The following IGSF5 variants were observed in gnomAD, a reference collection of about 807,000 sequenced individuals.
IGSF5 encodes immunoglobulin superfamily 5 like.
IGSF5 carries 41 observed loss-of-function variants against 39.4 expected under a neutral mutation model. The observed-to-expected ratio is 1.04, with a 90% confidence interval of 0.81 to 1.35. IGSF5 has a LOEUF of 1.35. IGSF5 is among the 40% of genes most tolerant of loss of function. IGSF5 has a pLI of 0.00. For synonymous variants in IGSF5, 183 were observed against 175.3 expected (o/e 1.04, Z -0.34); for missense variants, 487 against 494.6 (o/e 0.98, Z 0.15).
chr21:39,728,223 A>G, the IGSF5 span, among the ~76,000 whole-genome samples: 1 of 152,128 alleles, frequency 6.6e-6, no homozygotes, highest in Non-Finnish European at 1.5e-5. Flanking sequence ...TTATTTGCAA[A>G]TAGGGTCTCT....
intron 3 of IGSF5, among the ~76,000 whole-genome samples, chr21:39,769,557 C>T (rs934890108): frequency 6.8e-6 from 1 of 147,554 alleles, no homozygotes; most frequent in African/African-American, 2.5e-5. Context: ...CTATTAAATA[C>T]TCCTCACTGT....
chr21:39,792,061 A>G lies in IGSF5; in HGVS notation c.1010A>G (p.Glu337Gly). 6.2e-7 allele frequency: 1 copy of G among 1,611,550 alleles called. No individual in the cohort carries two copies. Among genetic ancestry groups the G allele is most frequent in the Non-Finnish European group, 8.5e-7 (1 of 1,178,764 alleles). Residue 337 changes from glutamate (E) to glycine (G), a missense_variant, in exon 7 of 9, where the codon GAA (glutamate) becomes GGA (glycine). Transcript: ENST00000380588. Reference sequence around the variant, plus strand: ...GAAACTGAGACAGAAAGTGGAAATGAAAACTCCGGCTACAATTCAGATGAA... The same window carrying G: ...GAAACTGAGACAGAAAGTGGAAATGGAAACTCCGGCTACAATTCAGATGAA... The part of the protein sequence containing the change: ...NKETETESGN[E>G]NSGYNSDEQK...
At chr21:39,719,422 G>A in the IGSF5 span, among the ~76,000 whole-genome samples, 2 of 151,966 alleles carry the variant, frequency 1.3e-5, no homozygotes, top group South Asian at 4.1e-4. Context: ...AGAGTGAATG[G>A]GTGTAGGGGG....
chr21:39,798,285 C>T (rs1485836032), intron 8 of IGSF5, among the ~76,000 whole-genome samples: 1 of 152,192 alleles, frequency 6.6e-6, no homozygotes, highest in Non-Finnish European at 1.5e-5. Flanking sequence ...CATAACTTCA[C>T]CCTGCACGAT....
intron 4 of IGSF5, among the ~76,000 whole-genome samples, chr21:39,778,752 A>G (rs2080153859): frequency 6.6e-6 from 1 of 152,190 alleles, no homozygotes; most frequent in African/African-American, 2.4e-5. Flanking sequence ...TGATTAAATA[A>G]AGGATGTCAA....
chr21:39,715,460 G>A, the IGSF5 span, among the ~76,000 whole-genome samples: 218 of 152,274 alleles, frequency 1.4e-3, 1 homozygote, highest in South Asian at 2.9e-3. Flanking sequence ...CTTTCTAAAT[G>A]TAAATACATG....
the IGSF5 span, among the ~76,000 whole-genome samples, chr21:39,739,479 T>C: frequency 1.3e-5 from 2 of 152,302 alleles, no homozygotes; most frequent in African/African-American, 2.4e-5. Flanking sequence ...CCTTACTATC[T>C]GGTTGGGTGT....
At chr21:39,742,786 T>C (rs1243893530), upstream of IGSF5, among the ~76,000 whole-genome samples, 1 of 151,898 alleles carries the variant, frequency 6.6e-6, no homozygotes, top group Non-Finnish European at 1.5e-5. Flanking sequence ...ATGGCCTTTT[T>C]TTTATCCTGT....
Position 39,765,707 on chromosome 21 carries a change from C to T in IGSF5, c.273C>T (p.Asp91=), listed in dbSNP as rs2080083789. The change falls in exon 3 of 9, where the codon GAC becomes GAT. Residue 91 remains aspartate, a synonymous_variant. Coordinates refer to ENST00000380588, the MANE Select transcript of IGSF5 (RefSeq NM_001080444.2). ...VRPMEPIITN[D]RFTSQRYDQG... is the part of the protein sequence containing the mutation. ...CCATGGAGCCCATCATCACCAATGA[C>T]CGCTTCACCTCTCAGAGGTACGACC... 2.5e-6 allele frequency: 4 copies of T among 1,614,088 alleles called. No individual in the cohort carries two copies. Among genetic ancestry groups the T allele is most frequent in the Non-Finnish European group, 3.4e-6 (4 of 1,180,030 alleles).
At chr21:39,789,773 T>A (rs1291169211) in intron 6 of IGSF5, among the ~76,000 whole-genome samples, 1 of 152,230 alleles carries the variant, frequency 6.6e-6, no homozygotes, top group African/African-American at 2.4e-5. Context: ...TGTACTCAAA[T>A]GTTCATGTAT....
chr21:39,713,263 A>G, the IGSF5 span, among the ~76,000 whole-genome samples: 1 of 152,144 alleles, frequency 6.6e-6, no homozygotes, highest in Non-Finnish European at 1.5e-5. Context: ...GCAACTTACA[A>G]GTGCCTTCTG....
chr21:39,748,550 C>A (rs1433160527), intron 2 of IGSF5, among the ~76,000 whole-genome samples: 1 of 151,930 alleles, frequency 6.6e-6, no homozygotes, highest in African/African-American at 2.4e-5. Flanking sequence ...ACCTCATGAT[C>A]TGCCCACTTT....
At chr21:39,737,355 G>C in the IGSF5 span, among the ~76,000 whole-genome samples, 1 of 152,070 alleles carries the variant, frequency 6.6e-6, no homozygotes, top group Non-Finnish European at 1.5e-5. Context: ...GACAGTGGCT[G>C]GGTGTCCTGC....
At chr21:39,749,989 T>C (rs9941855) in intron 2 of IGSF5, among the ~76,000 whole-genome samples, 16,417 of 152,212 alleles carry the variant, frequency 0.11, 2,886 homozygotes, top group African/African-American at 0.37. Context: ...ACGGAACTGT[T>C]TTTAAGGTAA....
chr21:39,790,080 C>T (rs1399335685), intron 6 of IGSF5, among the ~76,000 whole-genome samples: 2 of 152,102 alleles, frequency 1.3e-5, no homozygotes, highest in Non-Finnish European at 2.9e-5. Context: ...GCCCCCTAGA[C>T]CCCGGTCAAA....
the IGSF5 span, among the ~76,000 whole-genome samples, chr21:39,721,273 G>T: frequency 6.6e-6 from 1 of 152,160 alleles, no homozygotes; most frequent in South Asian, 2.1e-4. Flanking sequence ...TCCCGGTAAA[G>T]TGAGTATAAT....
chr21:39,783,724 T>C (rs181800849), intron 5 of IGSF5, among the ~76,000 whole-genome samples: 8 of 152,314 alleles, frequency 5.3e-5, no homozygotes, highest in Non-Finnish European at 1.0e-4. Flanking sequence ...TTCAGTTTAA[T>C]ATAGTCCCAT....
the IGSF5 span, among the ~76,000 whole-genome samples, chr21:39,736,668 CGGGTT>C: frequency 6.6e-6 from 1 of 152,224 alleles, no homozygotes; most frequent in African/African-American, 2.4e-5. Flanking sequence ...CCGGGGTCAC[CGGGTT>C]GGGGACCCTG....
At chr21:39,713,546 C>T in the IGSF5 span, among the ~76,000 whole-genome samples, 1,135 of 152,276 alleles carry the variant, frequency 7.5e-3, 15 homozygotes, top group African/African-American at 0.026. Context: ...TAGGGCCTGC[C>T]GGGCTGTATG....
Sources: gnomAD v4.1 joint callset for allele counts (sites outside exome capture counted in the v4.1 genomes callset) on GRCh38, gnomAD v4.1.1 for gene constraint, MANE v1.5 for transcripts, NCBI Gene and HGNC (gene_info 2026-07-23, HGNC 2026-07-21) for gene names.